Variants in CC2D1A observed in about 807,000 individuals in gnomAD.
The protein encoded by CC2D1A is coiled-coil and C2 domain containing 1A, also known as coiled-coil and C2 domain-containing protein 1A.
CC2D1A carries 68 observed loss-of-function variants against 123.8 expected under a neutral mutation model. The ratio of observed to expected loss-of-function variants is 0.55; its 90% CI spans 0.45 to 0.67. CC2D1A has a LOEUF of 0.67. Ranked by LOEUF, CC2D1A falls within the 30% of genes least tolerant of loss-of-function variation. The pLI is 0.00. For missense variants in CC2D1A, 1,185 were observed against 1,290.3 expected, an observed-to-expected ratio of 0.92 and a Z score of 1.25; for synonymous variants, 477 against 528.0, an observed-to-expected ratio of 0.90 and a Z score of 1.32.
At chr19:13,927,577 G>C in intron 22 of CC2D1A, 1 of 461,294 alleles carries the variant, frequency 2.2e-6, no homozygotes, top group Non-Finnish European at 4.0e-6. Flanking sequence ...AGGAGATCGA[G>C]ACCATCCTGG....
At chr19:13,927,842 C>T in intron 22 of CC2D1A, 51 bp from the exon 23 acceptor site, 20 of 1,596,390 alleles carry the variant, frequency 1.3e-5, no homozygotes, top group Non-Finnish European at 1.6e-5. Flanking sequence ...GGCCCTGGGC[C>T]TCTAGTCACT....
Position 13,909,821 on chromosome 19 carries a change from A to G in CC2D1A, c.61-2A>G, listed in dbSNP as rs200450636. 6.5e-5 allele frequency: 103 copies of G among 1,589,906 alleles called. No individual in the cohort carries two copies. The highest frequency in any genetic ancestry group is 1.5e-5 in the Non-Finnish European group (17 of 1,163,758). Reference sequence around the variant, plus strand: ...CTGACTGAACCCTTGCTGTTCCCCTAGCTGGGCCTGCTGGTTGACCTCTCC... The same window carrying G: ...CTGACTGAACCCTTGCTGTTCCCCTGGCTGGGCCTGCTGGTTGACCTCTCC... On this transcript the variant is annotated splice_acceptor_variant, in intron 1 of 28. Transcript: ENST00000318003. LOFTEE classifies it high-confidence loss of function.
At chr19:13,917,817 A>G (rs1971258386) in intron 6 of CC2D1A, among the ~76,000 whole-genome samples, 1 of 152,152 alleles carries the variant, frequency 6.6e-6, no homozygotes, top group Non-Finnish European at 1.5e-5. Context: ...TGTCTCTACT[A>G]AAAACATAAA....
Position 13,927,063 on chromosome 19 carries a change from A to G in CC2D1A, c.2211A>G (p.Glu737=). The change falls in exon 21 of 29, where the codon GAA becomes GAG. Residue 737 remains glutamate, a synonymous_variant. Transcript: ENST00000318003. ...RAIQTKGIKF[E]VVHKGGLFKT... is the part of the protein sequence containing the mutation. ...TCCAGACCAAGGGCATCAAGTTCGA[A>G]GTGGTTCACAAGGGGTGAGCTAGAG... 1.9e-6 allele frequency: 3 copies of G among 1,614,058 alleles called. No individual in the cohort carries two copies. Among genetic ancestry groups the G allele is most frequent in the Non-Finnish European group, 2.5e-6 (3 of 1,179,992 alleles).
chr19:13,928,041 C>T lies in CC2D1A; in HGVS notation c.2454+11C>T, dbSNP rs773075136. On this transcript the variant is annotated intron_variant, in intron 23 of 28. Coordinates refer to ENST00000318003, the MANE Select transcript of CC2D1A (RefSeq NM_017721.5). ...GCAGCTGTGCCCACAGTGAGACCCC[C>T]CACCCCCACCCATCAGCAACCCCAG... 6.2e-7 allele frequency: 1 copy of T among 1,611,062 alleles called. No homozygotes were observed. Among genetic ancestry groups the T allele is most frequent in the South Asian group, 1.1e-5 (1 of 91,010 alleles).
At chr19:13,919,246 C>G (rs765757006) in intron 11 of CC2D1A, 44 bp downstream of exon 11, 1 of 1,463,014 alleles carries the variant, frequency 6.8e-7, no homozygotes, top group South Asian at 1.2e-5. Context: ...GGCCCCGCCC[C>G]CGTAGGCCCC....
In CC2D1A at chr19:13,929,668, T is replaced by C. The variant is rs1369409857; in HGVS notation, c.2710+8T>C. The C allele has an allele frequency of 6.7e-7, 1 of 1,498,194 alleles. No homozygotes were observed. The highest frequency in any genetic ancestry group is 1.2e-5 in the South Asian group (1 of 82,966). 92.8% of individuals were successfully genotyped at this position (1,498,194 alleles called of 1,614,324 possible). On this transcript the variant is annotated splice_region_variant and intron_variant, in intron 26 of 28. Coordinates refer to ENST00000318003, the MANE Select transcript of CC2D1A (RefSeq NM_017721.5). ...GTGTGGGCATCCGACGGGGTAGGGG[T>C]TTGGAGATGGGCATCTGGTGGGGGA...
At position 13,918,593 on chromosome 19, in the gene CC2D1A, G is replaced by T; in HGVS notation, c.946+17G>T. 6.2e-7 allele frequency: 1 copy of T among 1,611,646 alleles called. No individual in the cohort carries two copies. Among genetic ancestry groups the T allele is most frequent in the Non-Finnish European group, 8.5e-7 (1 of 1,179,182 alleles). ...CTCCACCCGGTGAGAACCCTGCCAT[G>T]CCCACTCTCTGGGATGGTTTCAGGC... On this transcript the variant is annotated intron_variant, in intron 8 of 28. Transcript: ENST00000318003.
chr19:13,920,023 G>T, intron 12 of CC2D1A, 72 bp downstream of exon 12: 1 of 1,439,570 alleles, frequency 6.9e-7, no homozygotes, highest in Non-Finnish European at 9.5e-7. Context: ...AAGATGGGAG[G>T]ATCGCTTGAG....
Position 13,918,117 on chromosome 19 carries a change from G to C in CC2D1A, c.796G>C (p.Asp266His). ...PLAQLQSRQR[D>H]YKLAALHAKQ... The stretch of plus-strand genomic sequence containing the variant: ...GGCCCAGTTGCAGAGCCGCCAGCGC[G>C]ACTACAAGCTGGCTGCCCTCCACGC... Residue 266 changes from aspartate to histidine, a missense_variant, in exon 7 of 29, where the codon GAC becomes CAC. Asp to His is a moderately conservative substitution (Grantham distance 81). Coordinates refer to ENST00000318003, the MANE Select transcript of CC2D1A (RefSeq NM_017721.5). The C allele has an allele frequency of 6.2e-7, 1 of 1,612,356 alleles. No homozygotes were observed. The highest frequency in any genetic ancestry group is 8.5e-7 in the Non-Finnish European group (1 of 1,179,846).
rs1200914902 is a variant in CC2D1A, at chr19:13,928,171, A to G, written c.2502A>G (p.Ala834=). ...KGKAPPVPAP[A]RESGNRSARP... ...AGGCCCCTCCTGTGCCTGCCCCTGC[A>G]AGGGAGTCAGGGAACAGGTAGGTAT... The change falls in exon 24 of 29, where the codon GCA becomes GCG. Residue 834 remains alanine, a synonymous_variant. Transcript: ENST00000318003. 1 of 1,613,318 alleles carries G rather than the reference A, an allele frequency of 6.2e-7. No individual in the cohort carries two copies. Among genetic ancestry groups the G allele is most frequent in the Non-Finnish European group, 8.5e-7 (1 of 1,179,888 alleles).
Position 13,918,594 on chromosome 19 carries a change from C to T in CC2D1A, c.946+18C>T, listed in dbSNP as rs1442585369. 6.2e-7 allele frequency: 1 copy of T among 1,611,202 alleles called. No individual in the cohort carries two copies. The highest frequency in any genetic ancestry group is 8.5e-7 in the Non-Finnish European group (1 of 1,178,972). On this transcript the variant is annotated intron_variant, in intron 8 of 28. Transcript: ENST00000318003. ...TCCACCCGGTGAGAACCCTGCCATGCCCACTCTCTGGGATGGTTTCAGGCA... is the reference window on the plus strand; with the variant it reads ...TCCACCCGGTGAGAACCCTGCCATGTCCACTCTCTGGGATGGTTTCAGGCA...
chr19:13,918,458 G>T, intron 7 of CC2D1A, 46 bp from the exon 8 acceptor site: 2 of 1,576,756 alleles, frequency 1.3e-6, no homozygotes, highest in South Asian at 1.2e-5. Flanking sequence ...CAGGGTCCAA[G>T]CCCCCAACTG....
chr19:13,928,961 G>A (rs192667533), intron 24 of CC2D1A, among the ~76,000 whole-genome samples: 49 of 148,960 alleles, frequency 3.3e-4, no homozygotes, highest in Non-Finnish European at 5.3e-4. Flanking sequence ...TGCCTGCCTC[G>A]GCCTCCCAAA....
intron 24 of CC2D1A, among the ~76,000 whole-genome samples, chr19:13,928,783 A>G (rs1045337345): frequency 2.8e-5 from 4 of 142,178 alleles, no homozygotes; most frequent in East Asian, 4.1e-4. Context: ...ATCTCAGCTC[A>G]CAGCAACCTC....
chr19:13,920,294 T>C, intron 12 of CC2D1A: 1 of 532,986 alleles, frequency 1.9e-6, no homozygotes. Context: ...GAGAATTGCT[T>C]GAACCGGGAG....
At position 13,926,825 on chromosome 19, in the gene CC2D1A, A is replaced by C; in HGVS notation, c.2078A>C (p.Glu693Ala). Residue 693 changes from glutamate to alanine, a missense_variant, in exon 20 of 29, where the codon GAA (glutamate) becomes GCA (alanine). Coordinates refer to ENST00000318003, the MANE Select transcript of CC2D1A (RefSeq NM_017721.5). ...CTGCCTCCTCTCTGGTCATAGGAAG[A>C]AGCTCAGAAAGACAAGACCAGTGTG... ...RFDFPYPNVE[E>A]AQKDKTSVIK... is the part of the protein sequence containing the mutation. The C allele has an allele frequency of 6.2e-7, 1 of 1,614,078 alleles. No homozygotes were observed. The highest frequency in any genetic ancestry group is 2.2e-5 in the East Asian group (1 of 44,858).
chr19:13,925,140 CT>C (rs1455322589), intron 17 of CC2D1A, among the ~76,000 whole-genome samples: 1 of 152,192 alleles, frequency 6.6e-6, no homozygotes, highest in East Asian at 1.9e-4. Context: ...CCACTCTCCC[CT>C]CTCTGCTGAG....
chr19:13,923,962 G>T lies in CC2D1A; in HGVS notation c.1940+151G>T. The T allele has an allele frequency of 7.9e-6, 5 of 630,932 alleles. 1 individual carries two copies. Among genetic ancestry groups the T allele is most frequent in the South Asian group, 7.4e-5 (4 of 53,850 alleles). 39.1% of individuals were successfully genotyped at this position (630,932 alleles called of 1,614,324 possible). On this transcript the variant is annotated intron_variant, in intron 17 of 28. Transcript: ENST00000318003. The surrounding 1 kb of genome is among the most constrained non-coding windows in gnomAD (Gnocchi z 5.3). ...AGCACAGAGCATGCAAAGGCTCTGG[G>T]GCAGGCATGAGATACAAGTGAAGGA...
Sources: allele counts gnomAD v4.1 joint callset (sites outside exome capture counted in the v4.1 genomes callset), GRCh38; gene constraint gnomAD v4.1.1; non-coding constraint Gnocchi (gnomAD v3.1); transcripts MANE v1.5; gene names NCBI Gene and HGNC (gene_info 2026-07-23, HGNC 2026-07-21).